Variants in RNF185 observed in about 807,000 individuals in gnomAD.
RNF185 encodes E3 ubiquitin-protein ligase RNF185.
RNF185 carries 13 observed loss-of-function variants against 24.9 expected under a neutral mutation model. That is an observed-to-expected ratio of 0.52 (90% CI 0.34 to 0.83). The LOEUF (loss-of-function observed/expected upper bound fraction) is 0.83, where lower values mean the gene tolerates loss of function less well. RNF185 is among the 40% of genes least tolerant of loss of function. The pLI, the probability that RNF185 is intolerant of heterozygous loss-of-function variation, is 0.01. For missense variants in RNF185, 184 were observed against 244.7 expected (o/e 0.75, Z 1.65); for synonymous variants, 79 against 90.3 (o/e 0.88, Z 0.71).
At chr22:31,193,481 T>G (rs2048174648) in intron 3 of RNF185, among the ~76,000 whole-genome samples, 1 of 152,308 alleles carries the variant, frequency 6.6e-6, no homozygotes, top group East Asian at 1.9e-4. Flanking sequence ...CCTAGATTCA[T>G]GTTTATAGAA....
At chr22:31,200,593 T>C (rs1461192663) in intron 5 of RNF185, among the ~76,000 whole-genome samples, 2 of 152,242 alleles carry the variant, frequency 1.3e-5, no homozygotes, top group African/African-American at 4.8e-5. Flanking sequence ...ATTCACAGTA[T>C]TGTTCCTGCT....
intron 1 of RNF185, among the ~76,000 whole-genome samples, chr22:31,185,021 A>G (rs1161500764): frequency 6.6e-6 from 1 of 151,054 alleles, no homozygotes; most frequent in African/African-American, 2.4e-5. Flanking sequence ...TAGGTTGGGT[A>G]CTTAGGATTG....
intron 2 of RNF185, among the ~76,000 whole-genome samples, chr22:31,189,586 C>G (rs942442489): frequency 3.3e-5 from 5 of 151,532 alleles, no homozygotes; most frequent in African/African-American, 1.2e-4. Flanking sequence ...CGTGAGCCAC[C>G]ATGCCTGGCC....
At chr22:31,170,170 A>T (rs1347006312) in intron 1 of RNF185, among the ~76,000 whole-genome samples, 1 of 151,736 alleles carries the variant, frequency 6.6e-6, no homozygotes, top group African/African-American at 2.4e-5. Context: ...TGTAACAGTG[A>T]TGTGGTTTTT....
chr22:31,168,586 T>C (rs1167474347), intron 1 of RNF185, among the ~76,000 whole-genome samples: 1 of 152,174 alleles, frequency 6.6e-6, no homozygotes, highest in Non-Finnish European at 1.5e-5. Context: ...TACCTAGAGG[T>C]AGAATTGCTG....
chr22:31,174,694 T>A (rs1220138153), intron 1 of RNF185, among the ~76,000 whole-genome samples: 1 of 152,132 alleles, frequency 6.6e-6, no homozygotes, highest in Non-Finnish European at 1.5e-5. Context: ...TTGTCCTTTT[T>A]TAAAAATGAA....
In RNF185 at chr22:31,166,248, C is replaced by G. The variant is rs1258627811; in HGVS notation, c.-49+5945C>G. Among the ~76,000 whole-genome samples the G allele has an allele frequency of 3.3e-5, 5 of 152,136 alleles. No homozygotes were observed. The East Asian group carries it at 9.7e-4, about 29-fold the overall frequency. ...TCAAGTGATCCGCCCACCTCAGCCTCCCAAAGTGCTGGGATTACAGGCATG... is the reference window on the plus strand; with the variant it reads ...TCAAGTGATCCGCCCACCTCAGCCTGCCAAAGTGCTGGGATTACAGGCATG... On this transcript the variant is annotated intron_variant, in intron 1 of 6. Transcript: ENST00000326132.
chr22:31,198,509 C>A (rs999706830), intron 5 of RNF185, among the ~76,000 whole-genome samples: 1 of 145,334 alleles, frequency 6.9e-6, no homozygotes, highest in African/African-American at 2.5e-5. Flanking sequence ...AACAATTCTT[C>A]TGCCTCAGCC....
chr22:31,178,200 G>A (rs1310825268), intron 1 of RNF185, among the ~76,000 whole-genome samples: 1 of 152,230 alleles, frequency 6.6e-6, no homozygotes, highest in African/African-American at 2.4e-5. Flanking sequence ...ATGATCAGCT[G>A]TGTTCCAGTT....
At chr22:31,181,458 A>G (rs1044731284) in intron 1 of RNF185, among the ~76,000 whole-genome samples, 6 of 152,202 alleles carry the variant, frequency 3.9e-5, no homozygotes, top group Admixed American at 3.9e-4. Context: ...TTCTTGTTTC[A>G]TCTTTTCTCT....
intron 1 of RNF185, among the ~76,000 whole-genome samples, chr22:31,184,807 C>T (rs1228234929): frequency 1.3e-5 from 2 of 151,854 alleles, no homozygotes; most frequent in Non-Finnish European, 2.9e-5. Context: ...CCCAGGCACT[C>T]GGCAGGCTGA....
intron 6 of RNF185, among the ~76,000 whole-genome samples, chr22:31,202,570 G>A (rs2048272956): frequency 6.7e-6 from 1 of 149,646 alleles, no homozygotes; most frequent in South Asian, 2.1e-4. Flanking sequence ...AGAGCATCTA[G>A]CTGAGGAATC....
chr22:31,192,328 T>C (rs751535866), intron 2 of RNF185, among the ~76,000 whole-genome samples: 10 of 152,186 alleles, frequency 6.6e-5, no homozygotes, highest in African/African-American at 9.6e-5. Context: ...TTAGCTTTTA[T>C]TGGATTCCTT....
intron 3 of RNF185, among the ~76,000 whole-genome samples, chr22:31,195,176 C>T (rs2048193605): frequency 6.6e-6 from 1 of 152,128 alleles, no homozygotes; most frequent in Non-Finnish European, 1.5e-5. Flanking sequence ...TTCTCTTGAA[C>T]TCCTGACCTC....
At chr22:31,200,986 C>T (rs1213055037) in intron 5 of RNF185, among the ~76,000 whole-genome samples, 1 of 152,194 alleles carries the variant, frequency 6.6e-6, no homozygotes, top group East Asian at 1.9e-4. Flanking sequence ...CCGCTTAAGT[C>T]AGGGTAATGG....
At chr22:31,182,065 A>C (rs2048043113) in intron 1 of RNF185, among the ~76,000 whole-genome samples, 1 of 151,130 alleles carries the variant, frequency 6.6e-6, no homozygotes, top group African/African-American at 2.4e-5. Context: ...TTAAAAAAAA[A>C]AACACAATAT....
At chr22:31,164,212 C>T (rs1568957237) in intron 1 of RNF185, among the ~76,000 whole-genome samples, 1 of 152,072 alleles carries the variant, frequency 6.6e-6, no homozygotes, top group Non-Finnish European at 1.5e-5. Context: ...AACTCCTGAC[C>T]TCAGGTGATC....
chr22:31,168,887 G>GC (rs557477806), intron 1 of RNF185, among the ~76,000 whole-genome samples: 31 of 151,428 alleles, frequency 2.0e-4, no homozygotes, highest in Admixed American at 3.3e-4. Context: ...CAAGTCCTTT[G>GC]CCCCCCCGCC....
At chr22:31,168,460 C>T (rs138488635) in intron 1 of RNF185, among the ~76,000 whole-genome samples, 28 of 152,310 alleles carry the variant, frequency 1.8e-4, no homozygotes, top group Middle Eastern at 6.8e-3. Context: ...CTTATCCATT[C>T]ATCTGTCGAT....
Sources: allele counts gnomAD v4.1 joint callset (sites outside exome capture counted in the v4.1 genomes callset), GRCh38; gene constraint gnomAD v4.1.1; transcripts MANE v1.5; gene names NCBI Gene and HGNC (gene_info 2026-07-23, HGNC 2026-07-21).